The following GABRB1 variants were observed in gnomAD, a reference collection of about 807,000 sequenced individuals.
GABRB1 encodes the protein gamma-aminobutyric acid receptor subunit beta-1.
GABRB1 carries 17 observed loss-of-function variants against 51.6 expected under a neutral mutation model. That is an observed-to-expected ratio of 0.33 (90% CI 0.23 to 0.49). The LOEUF is 0.49. Ranked by LOEUF, GABRB1 falls within the 20% of genes least tolerant of loss-of-function variation. The probability of loss-of-function intolerance (pLI) is 0.99; values close to 1 mark genes in which losing one functional copy is unlikely to be tolerated. For synonymous variants in GABRB1, 247 were observed against 218.9 expected (o/e 1.13, Z -1.14); for missense variants, 410 against 600.6 (o/e 0.68, Z 3.32).
chr4:47,202,309 T>C lies in GABRB1; in HGVS notation c.461+40840T>C, dbSNP rs564865797. 1.8e-4 allele frequency among the ~76,000 whole-genome samples: 27 copies of C among 152,250 alleles called. 1 individual carries two copies. The highest frequency in any genetic ancestry group is 7.7e-4 in the East Asian group (4 of 5,176). ...CTTCCCCTTCACCTTCTGCCATGATTGTAAGTTTCCTGAGGCCTCCCCAGC... is the reference window on the plus strand; with the variant it reads ...CTTCCCCTTCACCTTCTGCCATGATCGTAAGTTTCCTGAGGCCTCCCCAGC... On this transcript the variant is annotated intron_variant, in intron 4 of 8. Transcript: ENST00000295454.
intron 5 of GABRB1, among the ~76,000 whole-genome samples, chr4:47,326,082 C>T (rs901446423): frequency 5.0e-4 from 76 of 152,142 alleles, no homozygotes; most frequent in African/African-American, 1.7e-3. Context: ...ATGATGAAAT[C>T]GCCTACGATC....
chr4:47,143,062 C>T (rs150775983), intron 3 of GABRB1, among the ~76,000 whole-genome samples: 75 of 151,794 alleles, frequency 4.9e-4, no homozygotes, highest in African/African-American at 1.5e-3. Flanking sequence ...AAACTAATAA[C>T]GAAACTTAAA....
At chr4:47,024,137 C>A (rs1725014405) in intron 1 of GABRB1, among the ~76,000 whole-genome samples, 1 of 151,452 alleles carries the variant, frequency 6.6e-6, no homozygotes, top group African/African-American at 2.4e-5. Context: ...TTGTTTTCTC[C>A]TAGTAGTTTG....
At chr4:47,260,069 C>T (rs997823444) in intron 4 of GABRB1, among the ~76,000 whole-genome samples, 1 of 152,108 alleles carries the variant, frequency 6.6e-6, no homozygotes, top group African/African-American at 2.4e-5. Flanking sequence ...GATCCCTTTA[C>T]CATTATGCAA....
intron 5 of GABRB1, among the ~76,000 whole-genome samples, chr4:47,343,033 T>C (rs1176511918): frequency 6.6e-6 from 1 of 151,990 alleles, no homozygotes; most frequent in East Asian, 1.9e-4. Context: ...ATCAGCCAAG[T>C]AGAGGCGAGT....
At chr4:47,010,705 C>A (rs1363189204) in intron 1 of GABRB1, among the ~76,000 whole-genome samples, 1 of 152,204 alleles carries the variant, frequency 6.6e-6, no homozygotes, top group Non-Finnish European at 1.5e-5. Flanking sequence ...GTTGTTGGCT[C>A]TGACCTAGTG....
chr4:46,995,857 G>A lies in GABRB1; in HGVS notation c.-20+1931G>A, dbSNP rs532452871. Reference sequence around the variant, plus strand: ...TGAAACTATTATATTCAAATTAAAAGAACATTCTTTCAGAGTAGCTACTTC... The same window carrying A: ...TGAAACTATTATATTCAAATTAAAAAAACATTCTTTCAGAGTAGCTACTTC... On this transcript the variant is annotated intron_variant, in intron 1 of 3. Coordinates refer to the GABRB1 transcript ENST00000513567. Among the ~76,000 whole-genome samples the A allele has an allele frequency of 4.9e-4, 75 of 152,128 alleles. 1 individual carries two copies. Among genetic ancestry groups the A allele is most frequent in the African/African-American group, 1.7e-3 (71 of 41,502 alleles).
chr4:47,176,547 G>T (rs1718711054), intron 4 of GABRB1, among the ~76,000 whole-genome samples: 1 of 152,108 alleles, frequency 6.6e-6, no homozygotes, highest in East Asian at 1.9e-4. Context: ...CTGTAGACGT[G>T]TAAGTGGAGA....
At chr4:47,062,000 T>C (rs1051114609) in intron 3 of GABRB1, among the ~76,000 whole-genome samples, 7 of 152,214 alleles carry the variant, frequency 4.6e-5, no homozygotes, top group African/African-American at 1.7e-4. Flanking sequence ...CAGTGTCATA[T>C]TTATCTTCAC....
At position 47,243,890 on chromosome 4, in the gene GABRB1, G is replaced by A. The variant is rs190894510; in HGVS notation, c.462-76237G>A. Among the ~76,000 whole-genome samples, 236 of 152,118 alleles carry A rather than the reference G, an allele frequency of 1.6e-3. 1 individual carries two copies. Among genetic ancestry groups the A allele is most frequent in the Non-Finnish European group, 2.3e-3 (159 of 67,964 alleles). On this transcript the variant is annotated intron_variant, in intron 4 of 8. Transcript: ENST00000295454. ...TGCCCTTTATTTCCTTCTCCTGCCT[G>A]ATTGCCCTGGCCAGAACTTCCAACT...
intron 1 of GABRB1, among the ~76,000 whole-genome samples, chr4:47,010,427 A>T (rs959818994): frequency 6.6e-6 from 1 of 152,188 alleles, no homozygotes; most frequent in African/African-American, 2.4e-5. Flanking sequence ...TAAAGATCAC[A>T]TCTAGTCAGT....
intron 3 of GABRB1, among the ~76,000 whole-genome samples, chr4:47,060,318 CCATCAT>C (rs1451753607): frequency 6.6e-6 from 1 of 152,126 alleles, no homozygotes; most frequent in Non-Finnish European, 1.5e-5. Context: ...CTTAAGTTTA[CCATCAT>C]ATCCTGAATG....
intron 3 of GABRB1, among the ~76,000 whole-genome samples, chr4:47,088,373 T>C (rs1728163625): frequency 6.6e-6 from 1 of 152,090 alleles, no homozygotes; most frequent in South Asian, 2.1e-4. Context: ...ATTCAGGAGA[T>C]ACAGGAGGCC....
In GABRB1 at chr4:47,070,433, G is replaced by A. The variant is rs370803221; in HGVS notation, c.240+37949G>A. Among the ~76,000 whole-genome samples the A allele has an allele frequency of 1.9e-4, 29 of 152,202 alleles. 1 individual carries two copies. Among genetic ancestry groups the A allele is most frequent in the African/African-American group, 7.0e-4 (29 of 41,530 alleles). Reference sequence around the variant, plus strand: ...TGCAACCTCCACCTGCCGAGTTCAAGCGATTCTCCTGCCTCAGTCTCCCAA... The same window carrying A: ...TGCAACCTCCACCTGCCGAGTTCAAACGATTCTCCTGCCTCAGTCTCCCAA... On this transcript the variant is annotated intron_variant, in intron 3 of 8. Coordinates refer to ENST00000295454, the MANE Select transcript of GABRB1 (RefSeq NM_000812.4).
intron 3 of GABRB1, among the ~76,000 whole-genome samples, chr4:47,055,458 G>A (rs964222558): frequency 6.6e-6 from 1 of 152,180 alleles, no homozygotes; most frequent in African/African-American, 2.4e-5. Flanking sequence ...CACTCAAGTG[G>A]TAACCGAGCG....
rs1721919714 is a variant in GABRB1, at chr4:47,249,949, G to T, written c.462-70178G>T. 2.6e-5 allele frequency among the ~76,000 whole-genome samples: 4 copies of T among 152,080 alleles called. No individual in the cohort carries two copies. In the South Asian group the frequency reaches 8.3e-4, roughly 31 times the overall value. On this transcript the variant is annotated intron_variant, in intron 4 of 8. Transcript: ENST00000295454. Reference sequence around the variant, plus strand: ...ATTCAATGTTAGTATTGAGATGTGAGGTACGGTTGCATTCATCGTGTTATT... The same window carrying T: ...ATTCAATGTTAGTATTGAGATGTGATGTACGGTTGCATTCATCGTGTTATT...
At chr4:47,311,457 C>G in intron 4 of GABRB1, among the ~76,000 whole-genome samples, 1 of 143,428 alleles carries the variant, frequency 7.0e-6, no homozygotes, top group African/African-American at 2.6e-5. Context: ...CTTGGAATAT[C>G]TTAGTGGGCC....
At chr4:47,123,888 TA>T (rs1339863631) in intron 3 of GABRB1, among the ~76,000 whole-genome samples, 23 of 79,296 alleles carry the variant, frequency 2.9e-4, no homozygotes, top group Admixed American at 7.0e-4. Context: ...ATATAATATA[TA>T]TAATATATAA....
chr4:47,393,566 A>C (rs6824970), intron 5 of GABRB1, among the ~76,000 whole-genome samples: 1 of 152,210 alleles, frequency 6.6e-6, no homozygotes, highest in Non-Finnish European at 1.5e-5. Context: ...TGTGGTGTTC[A>C]TATGGATTCA....
Sources: allele counts gnomAD v4.1 joint callset (sites outside exome capture counted in the v4.1 genomes callset), GRCh38; gene constraint gnomAD v4.1.1; transcripts MANE v1.5; gene names NCBI Gene and HGNC (gene_info 2026-07-23, HGNC 2026-07-21).